The following FAM135A variants were observed in gnomAD, a reference collection of about 807,000 sequenced individuals.
FAM135A encodes the protein family with sequence similarity 135 member A, also known as protein FAM135A.
A neutral mutation model predicts 146.8 loss-of-function variants in FAM135A; 79 were observed. That is an observed-to-expected ratio of 0.54 (90% CI 0.45 to 0.65). The LOEUF (loss-of-function observed/expected upper bound fraction) is 0.65. Among genes scored for constraint, FAM135A ranks in the 30% least tolerant of loss-of-function variants. The pLI, the probability that FAM135A is intolerant of heterozygous loss-of-function variation, is 0.00. For synonymous variants in FAM135A, 562 were observed against 603.6 expected (o/e 0.93, Z 1.01); for missense variants, 1,623 against 1,758.2 (o/e 0.92, Z 1.38).
intron 10 of FAM135A, chr6:70,486,270 A>G (rs747858200): frequency 1.3e-6 from 2 of 1,599,060 alleles, no homozygotes; most frequent in African/African-American, 2.7e-5. Context: ...GCTTAAGTAA[A>G]TGATCCCTTT....
intron 5 of FAM135A, among the ~76,000 whole-genome samples, chr6:70,471,293 G>T (rs1286256784): frequency 1.3e-5 from 2 of 152,060 alleles, no homozygotes; most frequent in African/African-American, 4.8e-5. Flanking sequence ...GATTTAAGAT[G>T]GGTAAGGAAA....
intron 10 of FAM135A, among the ~76,000 whole-genome samples, chr6:70,490,230 G>A (rs969096523): frequency 5.9e-5 from 9 of 152,078 alleles, no homozygotes; most frequent in Non-Finnish European, 1.2e-4. Flanking sequence ...TGGGAATTTT[G>A]TATGATTATA....
chr6:70,534,250 ATATGATATATG>A (rs1183243387), intron 18 of FAM135A, among the ~76,000 whole-genome samples: 1 of 50,740 alleles, frequency 2.0e-5, no homozygotes, highest in African/African-American at 1.5e-4. Flanking sequence ...ACATATATGT[ATATGATATATG>A]TATATGATAT....
At chr6:70,432,514 T>A (rs966640409) in intron 4 of FAM135A, among the ~76,000 whole-genome samples, 6 of 151,586 alleles carry the variant, frequency 4.0e-5, no homozygotes, top group African/African-American at 1.5e-4. Flanking sequence ...ACCATTCTTA[T>A]AATGAACTTA....
At chr6:70,549,573 C>T (rs1348881568) in intron 20 of FAM135A, among the ~76,000 whole-genome samples, 1 of 151,990 alleles carries the variant, frequency 6.6e-6, no homozygotes, top group Admixed American at 6.6e-5. Context: ...GTTATATTTA[C>T]ACTATACTAT....
At chr6:70,489,685 A>AT (rs1562509816) in intron 10 of FAM135A, among the ~76,000 whole-genome samples, 1 of 152,224 alleles carries the variant, frequency 6.6e-6, no homozygotes, top group Non-Finnish European at 1.5e-5. Context: ...ATGAAAGGGC[A>AT]TGAGGAGGTG....
chr6:70,452,390 A>C lies in FAM135A; in HGVS notation c.78-102A>C. On this transcript the variant is annotated intron_variant, in intron 4 of 21. Coordinates refer to ENST00000418814, the MANE Select transcript of FAM135A (RefSeq NM_001162529.3). ...AATGTTATGGGAGACTGATATAATT[A>C]GGCCAACTTTATTATTTTAATATGG... The C allele has an allele frequency of 6.1e-6, 5 of 815,158 alleles. No individual in the cohort carries two copies. The South Asian group carries it at 8.7e-5, about 14-fold the overall frequency. The allele number at this position is 815,158 out of a possible 1,614,324, so 50.5% of individuals were successfully genotyped here.
chr6:70,437,659 A>G (rs1424422583), intron 4 of FAM135A, among the ~76,000 whole-genome samples: 1 of 152,174 alleles, frequency 6.6e-6, no homozygotes, highest in East Asian at 1.9e-4. Flanking sequence ...ACTTATTCTG[A>G]ATAGATTACT....
intron 11 of FAM135A, among the ~76,000 whole-genome samples, chr6:70,498,907 T>A (rs1189434603): frequency 6.6e-6 from 1 of 152,138 alleles, no homozygotes. Flanking sequence ...ATGTAATCGA[T>A]TTTAGAATAA....
chr6:70,546,475 G>T (rs1325870285), intron 20 of FAM135A, among the ~76,000 whole-genome samples: 2 of 152,012 alleles, frequency 1.3e-5, no homozygotes, highest in Non-Finnish European at 2.9e-5. Context: ...TCTTCCTTTT[G>T]AAACAGTCTT....
chr6:70,457,469 T>C (rs1364997732), intron 5 of FAM135A, among the ~76,000 whole-genome samples: 3 of 152,232 alleles, frequency 2.0e-5, no homozygotes, highest in Non-Finnish European at 4.4e-5. Context: ...ACAAGAAACG[T>C]CTTCCATCTG....
intron 5 of FAM135A, among the ~76,000 whole-genome samples, chr6:70,465,127 A>G (rs1202870111): frequency 6.6e-6 from 1 of 152,072 alleles, no homozygotes; most frequent in Non-Finnish European, 1.5e-5. Context: ...GGAGTCATGC[A>G]GTATTTGCTT....
Position 70,413,565 on chromosome 6 carries a change from G to A in FAM135A, c.-357G>A. 1 of 155,736 alleles carries A rather than the reference G, an allele frequency of 6.4e-6. No individual in the cohort carries two copies. Among genetic ancestry groups the A allele is most frequent in the Non-Finnish European group, 1.4e-5 (1 of 70,718 alleles). The allele number at this position is 155,736 out of a possible 1,614,324, so 9.6% of individuals were successfully genotyped here. A position where few individuals can be genotyped will look rare whatever the true frequency, so the allele number is the denominator to read the frequency against. ...GTGACGAACCGGCTCCGCGGTTGCG[G>A]TGTTTGCGGTTGCTGTGATGGCGAT... On this transcript the variant is annotated 5_prime_UTR_variant, in exon 1 of 22. The change creates a new upstream start codon in the 5' untranslated region. Transcript: ENST00000418814.
At chr6:70,522,714 G>T (rs929610846) in intron 13 of FAM135A, 128 bp downstream of exon 13, 1 of 695,340 alleles carries the variant, frequency 1.4e-6, no homozygotes, top group Non-Finnish European at 2.3e-6. Context: ...TTGAATTTCA[G>T]AAATCCCATC....
intron 4 of FAM135A, among the ~76,000 whole-genome samples, chr6:70,430,090 A>G (rs982298421): frequency 1.3e-5 from 2 of 152,096 alleles, no homozygotes; most frequent in African/African-American, 4.8e-5. Context: ...TAATCCCAGC[A>G]CTTTGGGAGG....
At chr6:70,453,886 T>TGTCTTTA (rs1475387338) in intron 5 of FAM135A, among the ~76,000 whole-genome samples, 8 of 152,216 alleles carry the variant, frequency 5.3e-5, no homozygotes, top group Non-Finnish European at 8.8e-5. Context: ...CGTGTGCATG[T>TGTCTTTA]GTCTTTAGTA....
At chr6:70,432,301 CTT>C (rs1037830869) in intron 4 of FAM135A, among the ~76,000 whole-genome samples, 15 of 152,090 alleles carry the variant, frequency 9.9e-5, no homozygotes, top group African/African-American at 3.6e-4. Context: ...ATCTCTTTCT[CTT>C]ATGACTACTT....
At chr6:70,414,791 C>T (rs191965519) in intron 1 of FAM135A, among the ~76,000 whole-genome samples, 258 of 152,258 alleles carry the variant, frequency 1.7e-3, no homozygotes, top group African/African-American at 5.5e-3. Context: ...TTATGTTTAC[C>T]TGGCATGCCT....
intron 4 of FAM135A, among the ~76,000 whole-genome samples, chr6:70,449,104 T>C (rs968866553): frequency 6.6e-6 from 1 of 152,244 alleles, no homozygotes; most frequent in Non-Finnish European, 1.5e-5. Context: ...TGATACATTC[T>C]AACAGAGAAG....
Sources: allele counts gnomAD v4.1 joint callset (sites outside exome capture counted in the v4.1 genomes callset), GRCh38; gene constraint gnomAD v4.1.1; transcripts MANE v1.5; gene names NCBI Gene and HGNC (gene_info 2026-07-23, HGNC 2026-07-21).